GABRB1: variants seen among roughly 807,000 people sequenced by gnomAD.
GABRB1 encodes the protein gamma-aminobutyric acid receptor subunit beta-1.
In GABRB1, 17 loss-of-function variants were observed where a neutral mutation model predicts 51.6. The observed-to-expected ratio is 0.33, with a 90% confidence interval of 0.23 to 0.49. GABRB1 has a LOEUF of 0.49. GABRB1 is among the 20% of genes least tolerant of loss of function. The pLI is 0.99. For missense variants in GABRB1, 410 were observed against 600.6 expected, an observed-to-expected ratio of 0.68 and a Z score of 3.32; for synonymous variants, 247 against 218.9, an observed-to-expected ratio of 1.13 and a Z score of -1.14.
At chr4:47,412,599 C>T (rs1040443292) in intron 8 of GABRB1, among the ~76,000 whole-genome samples, 4 of 152,042 alleles carry the variant, frequency 2.6e-5, no homozygotes, top group East Asian at 3.9e-4. Flanking sequence ...TGGCACTGTT[C>T]GTCTGGGAGT....
chr4:47,202,186 G>A (rs1719924466), intron 4 of GABRB1, among the ~76,000 whole-genome samples: 1 of 152,116 alleles, frequency 6.6e-6, no homozygotes, highest in Non-Finnish European at 1.5e-5. Flanking sequence ...TCTCATGATA[G>A]TGAGTGAGCT....
intron 4 of GABRB1, among the ~76,000 whole-genome samples, chr4:47,313,131 C>G (rs985013445): frequency 3.9e-5 from 6 of 152,170 alleles, no homozygotes; most frequent in Admixed American, 1.3e-4. Flanking sequence ...TTCAAAATGT[C>G]AATAAATTGG....
intron 4 of GABRB1, among the ~76,000 whole-genome samples, chr4:47,232,374 C>T (rs987505584): frequency 5.3e-5 from 8 of 152,050 alleles, no homozygotes; most frequent in African/African-American, 1.7e-4. Flanking sequence ...TGAGGTAGAA[C>T]ATTCCTATTT....
intron 4 of GABRB1, among the ~76,000 whole-genome samples, chr4:47,163,856 C>T (rs1718062980): frequency 6.6e-6 from 1 of 151,922 alleles, no homozygotes; most frequent in Non-Finnish European, 1.5e-5. Flanking sequence ...CCTAAATTTC[C>T]TACTGTATTA....
At chr4:47,174,553 G>T (rs1718583858) in intron 4 of GABRB1, among the ~76,000 whole-genome samples, 1 of 151,960 alleles carries the variant, frequency 6.6e-6, no homozygotes, top group South Asian at 2.1e-4. Context: ...TGTTTCACAG[G>T]TATTAGTCTG....
chr4:47,002,917 G>A (rs1376071954), intron 1 of GABRB1, among the ~76,000 whole-genome samples: 1 of 152,142 alleles, frequency 6.6e-6, no homozygotes, highest in Non-Finnish European at 1.5e-5. Flanking sequence ...GATTAATATT[G>A]AAAATGCATG....
At chr4:47,209,653 G>A (rs1044796825) in intron 4 of GABRB1, among the ~76,000 whole-genome samples, 2 of 151,890 alleles carry the variant, frequency 1.3e-5, no homozygotes, top group African/African-American at 2.4e-5. Flanking sequence ...TTCTCACTTC[G>A]ACCAGAGTGC....
At chr4:47,413,791 A>G (rs1374272195) in intron 8 of GABRB1, among the ~76,000 whole-genome samples, 1 of 152,176 alleles carries the variant, frequency 6.6e-6, no homozygotes, top group Non-Finnish European at 1.5e-5. Flanking sequence ...GTCTTGATTT[A>G]TATTTCCTCC....
At chr4:47,351,355 G>A (rs1335222902) in intron 5 of GABRB1, among the ~76,000 whole-genome samples, 2 of 152,016 alleles carry the variant, frequency 1.3e-5, no homozygotes, top group East Asian at 1.9e-4. Flanking sequence ...CAAATTAAAA[G>A]CCAAGACAAA....
At chr4:47,210,056 G>A (rs980829796) in intron 4 of GABRB1, among the ~76,000 whole-genome samples, 4 of 152,076 alleles carry the variant, frequency 2.6e-5, no homozygotes, top group African/African-American at 9.7e-5. Flanking sequence ...GCTTATTCCA[G>A]TTCCAAAGTG....
intron 4 of GABRB1, among the ~76,000 whole-genome samples, chr4:47,256,792 A>G (rs142413566): frequency 2.6e-5 from 4 of 152,300 alleles, no homozygotes; most frequent in African/African-American, 7.2e-5. Flanking sequence ...CCATGATCTT[A>G]TCACCTCCCA....
intron 4 of GABRB1, among the ~76,000 whole-genome samples, chr4:47,282,865 G>A (rs1396723785): frequency 2.6e-5 from 4 of 152,174 alleles, no homozygotes; most frequent in African/African-American, 9.6e-5. Context: ...AGTAAGATAA[G>A]AATAGAAAGG....
intron 4 of GABRB1, among the ~76,000 whole-genome samples, chr4:47,208,333 G>C (rs1050584981): frequency 6.6e-6 from 1 of 152,068 alleles, no homozygotes; most frequent in Non-Finnish European, 1.5e-5. Context: ...AGAGGCTGAA[G>C]AGATGGGGAA....
chr4:47,040,279 G>T (rs908019073), intron 3 of GABRB1, among the ~76,000 whole-genome samples: 5 of 152,192 alleles, frequency 3.3e-5, no homozygotes, highest in Admixed American at 2.6e-4. Context: ...TTGCAGCTAT[G>T]TGGAGGATGA....
chr4:47,286,653 C>G (rs1167296349), intron 4 of GABRB1, among the ~76,000 whole-genome samples: 1 of 152,072 alleles, frequency 6.6e-6, no homozygotes, highest in Non-Finnish European at 1.5e-5. Flanking sequence ...GTAAGTAAAC[C>G]TGTAGCTTAT....
intron 4 of GABRB1, among the ~76,000 whole-genome samples, chr4:47,255,307 A>G (rs1722157361): frequency 6.6e-6 from 1 of 152,246 alleles, no homozygotes; most frequent in African/African-American, 2.4e-5. Flanking sequence ...TTCACGAGAA[A>G]TCTGATTACA....
At chr4:47,003,039 A>C (rs757330638) in intron 1 of GABRB1, among the ~76,000 whole-genome samples, 1 of 152,026 alleles carries the variant, frequency 6.6e-6, no homozygotes, top group Non-Finnish European at 1.5e-5. Flanking sequence ...TGATTTATGG[A>C]TAGCATAAGA....
intron 5 of GABRB1, among the ~76,000 whole-genome samples, chr4:47,327,773 ATATT>A (rs1257416731): frequency 7.2e-5 from 11 of 152,252 alleles, no homozygotes; most frequent in Admixed American, 7.2e-4. Flanking sequence ...AGCAATAGTC[ATATT>A]TAATTATTTC....
chr4:47,342,783 A>G (rs1252734935), intron 5 of GABRB1, among the ~76,000 whole-genome samples: 1 of 152,160 alleles, frequency 6.6e-6, no homozygotes, highest in Non-Finnish European at 1.5e-5. Context: ...GCAGCATATT[A>G]GATCCAAAAT....
Sources: gnomAD v4.1 joint callset for allele counts (sites outside exome capture counted in the v4.1 genomes callset) on GRCh38, gnomAD v4.1.1 for gene constraint, MANE v1.5 for transcripts, NCBI Gene and HGNC (gene_info 2026-07-23, HGNC 2026-07-21) for gene names.